Variants in NEURL1 observed in about 807,000 individuals in gnomAD.
NEURL1 encodes E3 ubiquitin-protein ligase NEURL1.
Under a neutral mutation model 41.2 loss-of-function variants are expected in NEURL1, and 26 were observed. The observed-to-expected ratio is 0.63, with a 90% CI of 0.46 to 0.87. The LOEUF is 0.87. Ranked by LOEUF, NEURL1 falls within the 40% of genes least tolerant of loss-of-function variation. The pLI, the probability that NEURL1 is intolerant of heterozygous loss-of-function variation, is 0.00. For missense variants in NEURL1, 761 were observed against 871.1 expected, an observed-to-expected ratio of 0.87 and a Z score of 1.59; for synonymous variants, 400 against 402.3, an observed-to-expected ratio of 0.99 and a Z score of 0.07.
At chr10:103,563,601 G>A (rs750749736) in intron 1 of NEURL1, among the ~76,000 whole-genome samples, 6 of 152,292 alleles carry the variant, frequency 3.9e-5, no homozygotes, top group Middle Eastern at 3.4e-3. Flanking sequence ...TTGGAGAGGC[G>A]CAGATGAGGC....
At chr10:103,573,318 G>T (rs2035588358) in intron 3 of NEURL1, among the ~76,000 whole-genome samples, 1 of 152,200 alleles carries the variant, frequency 6.6e-6, no homozygotes, top group South Asian at 2.1e-4. Flanking sequence ...GCCGGGGGCA[G>T]AAAGGGCAGC....
chr10:103,564,322 T>G (rs2035371892), intron 1 of NEURL1, among the ~76,000 whole-genome samples: 1 of 152,136 alleles, frequency 6.6e-6, no homozygotes, highest in African/African-American at 2.4e-5. Flanking sequence ...CCAAGAAGCC[T>G]GTAAACCTGT....
chr10:103,584,739 G>C lies in NEURL1; in HGVS notation c.853G>C (p.Ala285Pro). 1.4e-6 allele frequency: 2 copies of C among 1,463,808 alleles called. No homozygotes were observed. The highest frequency in any genetic ancestry group is 1.8e-6 in the Non-Finnish European group (2 of 1,113,062). 90.7% of individuals were successfully genotyped at this position (1,463,808 alleles called of 1,614,324 possible). A position where few individuals can be genotyped will look rare whatever the true frequency, so the allele number is the denominator to read the frequency against. The change falls in exon 4 of 6, where the codon GCG becomes CCG. Residue 285 changes from alanine to proline, a missense_variant. This residue lies in a region of NEURL1 where 443 missense variants were observed against 408.1 expected (regional missense o/e 1.09). Coordinates refer to ENST00000369780, the MANE Select transcript of NEURL1 (RefSeq NM_004210.5). ...QNSLNSQHSR[A>P]LPAQLDGDLR... ...CTCACTCAACTCGCAGCACAGCCGC[G>C]CGCTGCCGGCGCAGCTCGACGGCGA...
intron 1 of NEURL1, among the ~76,000 whole-genome samples, chr10:103,521,705 G>T (rs1257874599): frequency 2.6e-5 from 4 of 152,210 alleles, no homozygotes; most frequent in Admixed American, 2.6e-4. Context: ...CATTTGCCTT[G>T]TGTGGGAAGA....
chr10:103,586,480 C>G (rs901059836), intron 4 of NEURL1, among the ~76,000 whole-genome samples: 1 of 152,132 alleles, frequency 6.6e-6, no homozygotes, highest in Admixed American at 6.5e-5. Context: ...TATGCTTACC[C>G]AAGTTTGGAG....
At chr10:103,582,646 A>G in intron 3 of NEURL1, among the ~76,000 whole-genome samples, 1 of 152,200 alleles carries the variant, frequency 6.6e-6, no homozygotes, top group East Asian at 1.9e-4. Flanking sequence ...GTCTACATTC[A>G]GTTGGAACTG....
In NEURL1 at chr10:103,566,937, G is replaced by A. The variant is rs2035436278; in HGVS notation, c.86-3935G>A. ...ATTGCCCTGTGTGCTACATGAGATG[G>A]TTTTGGGTGGTACATAAAGGAAACT... is the stretch of plus-strand genomic sequence containing the variant. On this transcript the variant is annotated intron_variant, in intron 1 of 5. Transcript: ENST00000369780. This position sits in a 1 kb window ranked among gnomAD's most constrained non-coding sequence, Gnocchi z 4.2. 6.6e-6 allele frequency among the ~76,000 whole-genome samples: 1 copy of A among 151,600 alleles called. No homozygotes were observed. Among genetic ancestry groups the A allele is most frequent in the African/African-American group, 2.4e-5 (1 of 41,276 alleles).
Position 103,566,404 on chromosome 10 carries a change from C to T in NEURL1, c.86-4468C>T, listed in dbSNP as rs1331240088. On this transcript the variant is annotated intron_variant, in intron 1 of 5. Transcript: ENST00000369780. The surrounding 1 kb of genome is among the most constrained non-coding windows in gnomAD (Gnocchi z 4.2). ...CTCTCCTTCTCTGATACCTACTGAT[C>T]TCTGTCTCTCTCTAGTTTTGCCTTT... is the stretch of plus-strand genomic sequence containing the variant. Among the ~76,000 whole-genome samples the T allele has an allele frequency of 1.3e-5, 2 of 152,186 alleles. No homozygotes were observed. Among genetic ancestry groups the T allele is most frequent in the African/African-American group, 4.8e-5 (2 of 41,438 alleles).
At chr10:103,588,097 G>A (rs1294703523) in intron 4 of NEURL1, among the ~76,000 whole-genome samples, 2 of 151,950 alleles carry the variant, frequency 1.3e-5, no homozygotes, top group Non-Finnish European at 2.9e-5. Flanking sequence ...AAGGTCAGGA[G>A]ATCGAGACCA....
intron 1 of NEURL1, among the ~76,000 whole-genome samples, chr10:103,523,161 G>A (rs1034450448): frequency 1.3e-5 from 2 of 152,006 alleles, no homozygotes; most frequent in Non-Finnish European, 2.9e-5. Flanking sequence ...CTAGCTATTT[G>A]AAAATATACA....
chr10:103,523,319 G>T (rs919360249), intron 1 of NEURL1, among the ~76,000 whole-genome samples: 5 of 151,996 alleles, frequency 3.3e-5, no homozygotes, highest in South Asian at 2.1e-4. Context: ...TGCCAGGAAG[G>T]TTGGCACATG....
chr10:103,500,005 C>T (rs142091707), intron 1 of NEURL1, among the ~76,000 whole-genome samples: 1 of 152,288 alleles, frequency 6.6e-6, no homozygotes, highest in Non-Finnish European at 1.5e-5. Flanking sequence ...TGTCTGGGCT[C>T]CTTCCTTGGT....
intron 1 of NEURL1, among the ~76,000 whole-genome samples, chr10:103,518,197 C>T (rs1233031403): frequency 6.6e-6 from 1 of 151,938 alleles, no homozygotes; most frequent in Admixed American, 6.6e-5. Flanking sequence ...CACAGGAATA[C>T]CTTGCAGCTT....
intron 1 of NEURL1, chr10:103,517,320 G>A (rs753195936): frequency 6.6e-5 from 10 of 152,334 alleles, no homozygotes; most frequent in Non-Finnish European, 1.3e-4. Context: ...AGTCACCATT[G>A]TGTGACCTGC....
intron 1 of NEURL1, among the ~76,000 whole-genome samples, chr10:103,536,331 G>T (rs550431039): frequency 2.0e-5 from 3 of 152,212 alleles, no homozygotes; most frequent in African/African-American, 7.2e-5. Context: ...ATCACCTGAG[G>T]TCAGGAGTTT....
rs971620114 is a variant in NEURL1, at chr10:103,584,475, G to C, written c.650-61G>C. ...GTGCGCGCGTAGGGACCGGACAGCG[G>C]GGCGCGCCGGGGCCGCCTCCCGAGA... On this transcript the variant is annotated intron_variant, in intron 3 of 5. Coordinates refer to ENST00000369780, the MANE Select transcript of NEURL1 (RefSeq NM_004210.5). 8.7e-6 allele frequency: 10 copies of C among 1,155,950 alleles called. No homozygotes were observed. In the African/African-American group the frequency reaches 1.3e-4, roughly 15 times the overall value. 71.6% of individuals were successfully genotyped at this position (1,155,950 alleles called of 1,614,324 possible). A position where few individuals can be genotyped will look rare whatever the true frequency, so the allele number is the denominator to read the frequency against.
At chr10:103,537,499 T>TCCTC (rs2034717874) in intron 1 of NEURL1, among the ~76,000 whole-genome samples, 1 of 152,052 alleles carries the variant, frequency 6.6e-6, no homozygotes, top group Non-Finnish European at 1.5e-5. Context: ...GCTCAGGTGA[T>TCCTC]CTTCCTACCT....
intron 1 of NEURL1, among the ~76,000 whole-genome samples, chr10:103,529,053 A>G (rs2034518864): frequency 6.6e-6 from 1 of 152,246 alleles, no homozygotes; most frequent in South Asian, 2.1e-4. Context: ...AAACTAAAAA[A>G]CAGCAAATAA....
intron 1 of NEURL1, among the ~76,000 whole-genome samples, chr10:103,542,266 T>C (rs1344580830): frequency 6.6e-6 from 1 of 152,156 alleles, no homozygotes; most frequent in Non-Finnish European, 1.5e-5. Context: ...ATTGTTTTTG[T>C]TTTTGGTTTT....
Sources: gnomAD v4.1 joint callset for allele counts (sites outside exome capture counted in the v4.1 genomes callset) on GRCh38, gnomAD v4.1.1 for gene constraint, gnomAD v4.1.1 regional missense constraint, Gnocchi (gnomAD v3.1) non-coding constraint, MANE v1.5 for transcripts, NCBI Gene and HGNC (gene_info 2026-07-23, HGNC 2026-07-21) for gene names.